The following ZFAND3 variants were observed in gnomAD, a reference collection of about 807,000 sequenced individuals.
The protein encoded by ZFAND3 is AN1-type zinc finger protein 3.
In ZFAND3, 10 loss-of-function variants were observed where a neutral mutation model predicts 29.6. The ratio of observed to expected loss-of-function variants is 0.34; its 90% CI spans 0.21 to 0.57. The LOEUF is 0.57. Ranked by LOEUF, ZFAND3 falls within the 20% of genes least tolerant of loss-of-function variation. The pLI is 0.86. For missense variants in ZFAND3, 230 were observed against 304.5 expected, an observed-to-expected ratio of 0.76 and a Z score of 1.82; for synonymous variants, 128 against 112.6, an observed-to-expected ratio of 1.14 and a Z score of -0.87.
chr6:38,081,626 A>C (rs1452260504), intron 3 of ZFAND3, among the ~76,000 whole-genome samples: 2 of 152,098 alleles, frequency 1.3e-5, no homozygotes, highest in African/African-American at 4.8e-5. Flanking sequence ...TGCCCATCCC[A>C]GGGCATGTCA....
chr6:38,153,088 G>A lies in ZFAND3; in HGVS notation c.*699G>A, dbSNP rs576615783. Reference sequence around the variant, plus strand: ...CAAGACTAGTCCACGAACGAGACCCGCCTTTTCTACACAGGATCCAAGGTC... The same window carrying A: ...CAAGACTAGTCCACGAACGAGACCCACCTTTTCTACACAGGATCCAAGGTC... On this transcript the variant is annotated 3_prime_UTR_variant, in exon 6 of 6. Transcript: ENST00000287218. 630 of 985,392 alleles carry A rather than the reference G, an allele frequency of 6.4e-4. No individual in the cohort carries two copies. The highest frequency in any genetic ancestry group is 7.2e-4 in the Non-Finnish European group (599 of 829,918). The allele number at this position is 985,392 out of a possible 1,614,324, so 61.0% of individuals were successfully genotyped here.
chr6:37,945,094 A>G (rs1761878164), intron 2 of ZFAND3, among the ~76,000 whole-genome samples: 1 of 152,216 alleles, frequency 6.6e-6, no homozygotes, highest in Non-Finnish European at 1.5e-5. Context: ...TAATGAGCAT[A>G]TAATGAGGTC....
intron 1 of ZFAND3, among the ~76,000 whole-genome samples, chr6:37,913,771 T>G (rs1465322338): frequency 6.8e-6 from 1 of 146,924 alleles, no homozygotes; most frequent in African/African-American, 2.5e-5. Context: ...AGTGCAATGG[T>G]GTGATCTTGA....
chr6:37,831,619 C>A (rs1170545497), intron 1 of ZFAND3, among the ~76,000 whole-genome samples: 1 of 152,086 alleles, frequency 6.6e-6, no homozygotes, highest in Non-Finnish European at 1.5e-5. Flanking sequence ...CTGAGGGCGG[C>A]CAGGAGAGCT....
chr6:38,101,667 G>A lies in ZFAND3; in HGVS notation c.362-14905G>A, dbSNP rs981463875. 2.0e-5 allele frequency among the ~76,000 whole-genome samples: 3 copies of A among 151,274 alleles called. No homozygotes were observed. In the Admixed American group the frequency reaches 2.0e-4, roughly 10 times the overall value. ...TGGGCACCTGTAATCCCAGCCACTT[G>A]GGAGGCTGAGGCAGGAAAATTGTTT... On this transcript the variant is annotated intron_variant, in intron 4 of 5. Transcript: ENST00000287218.
intron 2 of ZFAND3, among the ~76,000 whole-genome samples, chr6:37,980,591 T>C (rs1285224830): frequency 6.6e-6 from 1 of 152,192 alleles, no homozygotes; most frequent in Non-Finnish European, 1.5e-5. Flanking sequence ...GACAATTCTC[T>C]TCTTCCACCT....
chr6:37,980,685 C>G (rs1191256246), intron 2 of ZFAND3, among the ~76,000 whole-genome samples: 1 of 152,104 alleles, frequency 6.6e-6, no homozygotes, highest in East Asian at 1.9e-4. Context: ...ATGCCCTGCC[C>G]TATTAGCAAG....
chr6:38,049,056 C>G (rs1763967421), intron 2 of ZFAND3, among the ~76,000 whole-genome samples: 5 of 152,178 alleles, frequency 3.3e-5, no homozygotes, highest in Non-Finnish European at 7.4e-5. Flanking sequence ...GAGACTTACA[C>G]TTGCCAGTTA....
intron 2 of ZFAND3, among the ~76,000 whole-genome samples, chr6:38,038,718 G>A (rs908144461): frequency 6.6e-6 from 1 of 152,034 alleles, no homozygotes; most frequent in African/African-American, 2.4e-5. Flanking sequence ...CCTTTTCATG[G>A]TCAGTAGACT....
intron 5 of ZFAND3, among the ~76,000 whole-genome samples, chr6:38,144,453 G>T (rs1379049897): frequency 3.9e-5 from 6 of 151,962 alleles, no homozygotes; most frequent in African/African-American, 1.2e-4. Context: ...AATAGTCTCT[G>T]ATTTACCAAA....
chr6:37,952,624 C>CCATA (rs1762017642), intron 2 of ZFAND3, among the ~76,000 whole-genome samples: 1 of 152,070 alleles, frequency 6.6e-6, no homozygotes, highest in African/African-American at 2.4e-5. Flanking sequence ...TGCCACTTCT[C>CCATA]CATACAGCTC....
intron 2 of ZFAND3, among the ~76,000 whole-genome samples, chr6:37,953,798 T>C (rs1561945397): frequency 6.6e-6 from 1 of 152,198 alleles, no homozygotes; most frequent in African/African-American, 2.4e-5. Context: ...AGATATCATA[T>C]GTACTTGTCT....
chr6:37,970,286 A>C (rs1168043389), intron 2 of ZFAND3, among the ~76,000 whole-genome samples: 1 of 152,228 alleles, frequency 6.6e-6, no homozygotes, highest in African/African-American at 2.4e-5. Flanking sequence ...GAAAATGTGA[A>C]TAGTTGGTAA....
Position 37,918,951 on chromosome 6 carries a change from CTTTT to C in ZFAND3, c.72-10991_72-10988del, listed in dbSNP as rs66941014. 9.1e-3 allele frequency among the ~76,000 whole-genome samples: 952 copies of C among 104,734 alleles called. 19 individuals carry two copies. The highest frequency in any genetic ancestry group is 0.034 in the African/African-American group (842 of 24,600). 68.7% of individuals were successfully genotyped at this position (104,734 alleles called of 152,430 possible). On this transcript the variant is annotated intron_variant, in intron 1 of 5. Coordinates refer to ENST00000287218, the MANE Select transcript of ZFAND3 (RefSeq NM_021943.3). ...TGTGTTTTCAAAACATGAAAAATGC[CTTTT>C]TTTTTTTTTTTTTTTTGAGACGGAG...
At chr6:37,882,610 C>A in intron 1 of ZFAND3, among the ~76,000 whole-genome samples, 1 of 149,590 alleles carries the variant, frequency 6.7e-6, no homozygotes, top group African/African-American at 2.5e-5. Context: ...CCCTCCCAAT[C>A]CCCACCACCC....
At chr6:37,843,214 G>C (rs1220283324) in intron 1 of ZFAND3, among the ~76,000 whole-genome samples, 1 of 152,052 alleles carries the variant, frequency 6.6e-6, no homozygotes, top group Non-Finnish European at 1.5e-5. Context: ...GGCTGAGTGT[G>C]GTAGCTCATG....
chr6:38,087,958 G>GA (rs1764790050), intron 4 of ZFAND3, among the ~76,000 whole-genome samples: 2 of 152,192 alleles, frequency 1.3e-5, no homozygotes, highest in Non-Finnish European at 2.9e-5. Context: ...TTAGGTTACT[G>GA]GAAGTTTATA....
intron 4 of ZFAND3, among the ~76,000 whole-genome samples, chr6:38,085,379 C>A (rs193246252): frequency 6.6e-6 from 1 of 152,136 alleles, no homozygotes. Flanking sequence ...CAAGGTTGGA[C>A]CTAAAGCAGC....
chr6:38,086,259 TA>T lies in ZFAND3; in HGVS notation c.361+3811del, dbSNP rs763094718. 2.7e-4 allele frequency among the ~76,000 whole-genome samples: 41 copies of T among 151,396 alleles called. 1 individual carries two copies. The South Asian group carries it at 4.0e-3, about 15-fold the overall frequency. Reference sequence around the variant, plus strand: ...GTTAAACTCATTGTAATCTTTAGATTAAAAAAAAATAAAAAAGCAACACGAT... The same window carrying T: ...GTTAAACTCATTGTAATCTTTAGATTAAAAAAAATAAAAAAGCAACACGAT... On this transcript the variant is annotated intron_variant, in intron 4 of 5. Transcript: ENST00000287218.
Sources: gnomAD v4.1 joint callset for allele counts (sites outside exome capture counted in the v4.1 genomes callset) on GRCh38, gnomAD v4.1.1 for gene constraint, MANE v1.5 for transcripts, NCBI Gene and HGNC (gene_info 2026-07-23, HGNC 2026-07-21) for gene names.